Variants in VAC14 observed in about 807,000 individuals in gnomAD.
VAC14 encodes the protein VAC14 component of PIKFYVE complex.
Under a neutral mutation model 85.3 loss-of-function variants are expected in VAC14, and 47 were observed. That is an observed-to-expected ratio of 0.55 (90% confidence interval 0.44 to 0.70). The LOEUF (loss-of-function observed/expected upper bound fraction) is 0.70. VAC14 is among the 30% of genes least tolerant of loss of function. The probability of loss-of-function intolerance (pLI) is 0.00; values close to 1 mark genes in which losing one functional copy is unlikely to be tolerated. For synonymous variants in VAC14, 447 were observed against 430.5 expected, an observed-to-expected ratio of 1.04 and a Z score of -0.47; for missense variants, 861 against 1,004.3, an observed-to-expected ratio of 0.86 and a Z score of 1.93.
chr16:70,785,862 C>G lies in VAC14; in HGVS notation c.263G>C (p.Gly88Ala). 6.2e-7 allele frequency: 1 copy of G among 1,604,120 alleles called. No homozygotes were observed. Among genetic ancestry groups the G allele is most frequent in the Middle Eastern group, 1.7e-4 (1 of 6,046 alleles). Reference protein sequence around the residue: ...ACSIALGKDSGLYLKELIEPV... With the variant: ...ACSIALGKDSALYLKELIEPV... The stretch of plus-strand genomic sequence containing the variant: ...CTCGATCAGCTCCTTCAGGTAGAGC[C>G]CTGAGTCCTGCAAGGAGGCAGGAGG... Residue 88 changes from glycine to alanine, a missense_variant, in exon 3 of 19, where the codon GGG (glycine) becomes GCG (alanine). Gly to Ala is a moderately conservative substitution (Grantham distance 60). Coordinates refer to ENST00000261776, the MANE Select transcript of VAC14 (RefSeq NM_018052.5).
rs142483765 is a variant in VAC14, at chr16:70,698,715, G to A, written c.1758C>T (p.Val586=). The A allele has an allele frequency of 4.3e-6, 7 of 1,614,086 alleles. No individual in the cohort carries two copies. The highest frequency in any genetic ancestry group is 5.9e-6 in the Non-Finnish European group (7 of 1,180,036). The change falls in exon 15 of 19, where the codon GTC becomes GTT. Residue 586 remains valine (V), a synonymous_variant. Coordinates refer to ENST00000261776, the MANE Select transcript of VAC14 (RefSeq NM_018052.5). ...TCAGCAGGATGGTGTTGAGGGCGTG[G>A]ACCATGGTCGAGGCGAACTTGAGGT... ...EEDLKFASTM[V]HALNTILLTS...
intron 14 of VAC14, among the ~76,000 whole-genome samples, chr16:70,709,665 T>C (rs2053988895): frequency 6.6e-6 from 1 of 152,170 alleles, no homozygotes; most frequent in South Asian, 2.1e-4. Context: ...GCGGAGAAAG[T>C]CCACGGGGCT....
At chr16:70,709,475 G>A (rs975537749) in intron 14 of VAC14, among the ~76,000 whole-genome samples, 5 of 152,308 alleles carry the variant, frequency 3.3e-5, no homozygotes, top group Non-Finnish European at 7.3e-5. Context: ...CCACTCTCCC[G>A]CTGGAGCCAC....
intron 1 of VAC14, among the ~76,000 whole-genome samples, chr16:70,799,311 G>T (rs2034671064): frequency 6.6e-6 from 1 of 152,160 alleles, no homozygotes; most frequent in African/African-American, 2.4e-5. Flanking sequence ...TAGCATTCGT[G>T]AGAGTCAGGC....
intron 14 of VAC14, among the ~76,000 whole-genome samples, chr16:70,725,012 G>A (rs34827999): frequency 0.029 from 4,480 of 152,352 alleles, 95 homozygotes; most frequent in Non-Finnish European, 0.045. Context: ...ACAAATGAAC[G>A]CAATCCATTA....
At chr16:70,755,458 C>G (rs1405555716) in intron 12 of VAC14, among the ~76,000 whole-genome samples, 2 of 152,220 alleles carry the variant, frequency 1.3e-5, no homozygotes, top group African/African-American at 4.8e-5. Flanking sequence ...GAGGTGACAC[C>G]TTGTGTGAGG....
intron 14 of VAC14, among the ~76,000 whole-genome samples, chr16:70,727,586 C>T (rs2054466769): frequency 6.6e-6 from 1 of 152,238 alleles, no homozygotes; most frequent in African/African-American, 2.4e-5. Flanking sequence ...GATCCGCACA[C>T]CTCGGCCTCC....
chr16:70,774,892 C>T (rs1375805772), intron 9 of VAC14, among the ~76,000 whole-genome samples: 6 of 151,882 alleles, frequency 4.0e-5, no homozygotes, highest in Non-Finnish European at 7.4e-5. Flanking sequence ...ATTACAGTGG[C>T]GCGCCACCAT....
At chr16:70,743,549 G>A (rs560338861) in intron 13 of VAC14, among the ~76,000 whole-genome samples, 26 of 152,142 alleles carry the variant, frequency 1.7e-4, no homozygotes, top group Admixed American at 1.1e-3. Flanking sequence ...CGAACCCACC[G>A]GAAGGAAGAA....
intron 13 of VAC14, among the ~76,000 whole-genome samples, chr16:70,736,487 C>T (rs922083808): frequency 6.6e-6 from 1 of 152,172 alleles, no homozygotes; most frequent in Non-Finnish European, 1.5e-5. Flanking sequence ...GTGACCCCCA[C>T]ACATCTGGGG....
In VAC14 at chr16:70,786,253, G is replaced by C; in HGVS notation, c.217C>G (p.Leu73Val). The C allele has an allele frequency of 2.5e-6, 4 of 1,614,262 alleles. No individual in the cohort carries two copies. The highest frequency in any genetic ancestry group is 3.4e-6 in the Non-Finnish European group (4 of 1,180,042). The change falls in exon 2 of 19, where the codon CTC becomes GTC. Residue 73 changes from leucine to valine, a missense_variant. Physicochemically the swap from Leu to Val is conservative, Grantham distance 32. Coordinates refer to ENST00000261776, the MANE Select transcript of VAC14 (RefSeq NM_018052.5). ...SQHPHSRKGGLIGLAACSIAL... is the reference protein window; with the variant it reads ...SQHPHSRKGGVIGLAACSIAL... ...ATGGAGCAGGCGGCCAGGCCGATGAGGCCCCCTTTCCGGCTGTGGGGGTGC... is the reference window on the plus strand; with the variant it reads ...ATGGAGCAGGCGGCCAGGCCGATGACGCCCCCTTTCCGGCTGTGGGGGTGC...
chr16:70,718,593 A>C (rs954624449), intron 14 of VAC14, among the ~76,000 whole-genome samples: 4 of 151,046 alleles, frequency 2.6e-5, no homozygotes, highest in Non-Finnish European at 5.9e-5. Flanking sequence ...AAAAACAAAA[A>C]AACAAAGAAA....
chr16:70,689,333 G>A (rs1429457844), intron 18 of VAC14: 1 of 985,356 alleles, frequency 1.0e-6, no homozygotes, highest in Non-Finnish European at 1.2e-6. Flanking sequence ...CGTGAGGCCA[G>A]CCGGGGCCCA....
chr16:70,784,378 T>C (rs572714097), intron 4 of VAC14, among the ~76,000 whole-genome samples, 158 bp from the exon 5 acceptor site: 1 of 152,336 alleles, frequency 6.6e-6, no homozygotes, highest in East Asian at 1.9e-4. Flanking sequence ...GTATTCATCC[T>C]GTCCCAGTCC....
intron 13 of VAC14, 110 bp from the exon 14 acceptor site, chr16:70,731,737 G>T: frequency 8.2e-7 from 1 of 1,214,806 alleles, no homozygotes; most frequent in Non-Finnish European, 1.1e-6. Context: ...GTGTGTGGGG[G>T]GTGTTATAAC....
At chr16:70,783,384 G>A in intron 6 of VAC14, 61 bp downstream of exon 6, 1 of 1,540,996 alleles carries the variant, frequency 6.5e-7, no homozygotes, top group Non-Finnish European at 9.0e-7. Context: ...TGGGCATGAA[G>A]CACATGGGCA....
intron 13 of VAC14, among the ~76,000 whole-genome samples, chr16:70,741,336 C>T (rs1042081510): frequency 1.7e-4 from 26 of 152,266 alleles, no homozygotes; most frequent in Non-Finnish European, 1.2e-4. Flanking sequence ...CTGACCTCAG[C>T]ACCACCCCAC....
rs1235677724 is a variant in VAC14 at position 70,785,790 on chromosome 16, T to C, written c.335A>G (p.Tyr112Cys). ...FNDADSRLRY[Y>C]ACEALYNIVK... ...GATGTTGTAGAGGGCCTCGCAGGCA[T>C]AGTAGCGCAGCCTGCTGTCTGCATC... Residue 112 changes from tyrosine (Y) to cysteine (C), a missense_variant, in exon 3 of 19, where the codon TAT becomes TGT. Around this residue, in one of 3 missense-constraint regions of VAC14, gnomAD observed 629 missense variants for 703.1 expected, o/e 0.89. Transcript: ENST00000261776. 1 of 1,594,912 alleles carries C rather than the reference T, an allele frequency of 6.3e-7. No individual in the cohort carries two copies. The highest frequency in any genetic ancestry group is 1.3e-5 in the African/African-American group (1 of 74,618).
intron 18 of VAC14, chr16:70,690,873 G>T (rs1021925237): frequency 1.0e-6 from 1 of 985,524 alleles, no homozygotes; most frequent in Non-Finnish European, 1.2e-6. Flanking sequence ...GTAAGGCTGG[G>T]GGTCCAGGGC....
Sources: allele counts gnomAD v4.1 joint callset (sites outside exome capture counted in the v4.1 genomes callset), GRCh38; gene constraint gnomAD v4.1.1; regional missense constraint gnomAD v4.1.1; transcripts MANE v1.5; gene names NCBI Gene and HGNC (gene_info 2026-07-23, HGNC 2026-07-21).